The following PRKCH variants were observed in gnomAD, a reference collection of about 807,000 sequenced individuals.
PRKCH encodes the protein protein kinase C eta, also known as protein kinase C eta type.
In PRKCH, 28 loss-of-function variants were observed where a neutral mutation model predicts 82.5. The observed-to-expected ratio is 0.34, with a 90% confidence interval of 0.25 to 0.47. The LOEUF is 0.47. Among genes scored for constraint, PRKCH ranks in the 20% least tolerant of loss-of-function variants. The pLI is 1.00. For missense variants in PRKCH, 705 were observed against 881.8 expected (o/e 0.80, Z 2.54); for synonymous variants, 322 against 327.4 (o/e 0.98, Z 0.18).
chr14:61,382,314 C>G (rs903364186), intron 1 of PRKCH, among the ~76,000 whole-genome samples: 3 of 152,076 alleles, frequency 2.0e-5, no homozygotes, highest in Non-Finnish European at 2.9e-5. Context: ...CCCATAATCC[C>G]AGCTACACTG....
intron 1 of PRKCH, among the ~76,000 whole-genome samples, chr14:61,270,988 C>T (rs1189864043): frequency 6.6e-6 from 1 of 152,136 alleles, no homozygotes; most frequent in African/African-American, 2.4e-5. Context: ...AACAAAAGCA[C>T]AAACAAGTAA....
intron 2 of PRKCH, among the ~76,000 whole-genome samples, chr14:61,416,686 C>T (rs1476887198): frequency 6.6e-6 from 1 of 152,002 alleles, no homozygotes; most frequent in Non-Finnish European, 1.5e-5. Flanking sequence ...CTCTCCTGTC[C>T]CTTTCCCCCT....
intron 6 of PRKCH, 144 bp downstream of exon 6, chr14:61,451,115 C>A: frequency 8.8e-7 from 1 of 1,138,218 alleles, no homozygotes; most frequent in Non-Finnish European, 1.2e-6. Flanking sequence ...TTTAAACTTA[C>A]ATGTTTCTTG....
chr14:61,214,475 T>C (rs2044603408), intron 1 of PRKCH, among the ~76,000 whole-genome samples: 1 of 152,188 alleles, frequency 6.6e-6, no homozygotes, highest in Admixed American at 6.5e-5. Flanking sequence ...TTCATGATAG[T>C]TAATCTTGGT....
chr14:61,346,864 A>G (rs1260745955), intron 1 of PRKCH, among the ~76,000 whole-genome samples: 3 of 152,228 alleles, frequency 2.0e-5, no homozygotes, highest in African/African-American at 7.2e-5. Context: ...CCATTATAGT[A>G]ATGAACATTT....
chr14:61,412,763 CT>C (rs1284569124), intron 2 of PRKCH, among the ~76,000 whole-genome samples: 1 of 152,142 alleles, frequency 6.6e-6, no homozygotes, highest in African/African-American at 2.4e-5. Flanking sequence ...CCCCTTCCCA[CT>C]TTTTTTCCCA....
chr14:61,528,561 C>T (rs73308907), intron 10 of PRKCH, among the ~76,000 whole-genome samples: 5,284 of 152,146 alleles, frequency 0.035, 293 homozygotes, highest in African/African-American at 0.12. Flanking sequence ...CAATCCCCGC[C>T]GTCATGGAGC....
chr14:61,265,643 C>T (rs1426078619), intron 1 of PRKCH, among the ~76,000 whole-genome samples: 1 of 152,224 alleles, frequency 6.6e-6, no homozygotes, highest in African/African-American at 2.4e-5. Context: ...ACTAAGAGCA[C>T]CTTTCATAAG....
intron 10 of PRKCH, among the ~76,000 whole-genome samples, chr14:61,495,478 G>T (rs1202661968): frequency 6.6e-6 from 1 of 152,112 alleles, no homozygotes; most frequent in Non-Finnish European, 1.5e-5. Flanking sequence ...TGCTGAACAA[G>T]AAAAATACAG....
chr14:61,431,546 A>G (rs1292171483), intron 2 of PRKCH, among the ~76,000 whole-genome samples: 1 of 152,118 alleles, frequency 6.6e-6, no homozygotes, highest in African/African-American at 2.4e-5. Flanking sequence ...GAGTTGCTGC[A>G]GACCCATATG....
chr14:61,485,427 T>G lies in PRKCH; in HGVS notation c.1279-75T>G. 5.2e-6 allele frequency: 8 copies of G among 1,534,660 alleles called. No homozygotes were observed. In the East Asian group the frequency reaches 6.8e-5, roughly 13 times the overall value. On this transcript the variant is annotated intron_variant, in intron 9 of 13. Coordinates refer to ENST00000332981, the MANE Select transcript of PRKCH (RefSeq NM_006255.5). ...CAGTGTCCTCTCTATGCCACAGCCTTAGGCAATATGCTGCTGATGGAGCTC... is the reference window on the plus strand; with the variant it reads ...CAGTGTCCTCTCTATGCCACAGCCTGAGGCAATATGCTGCTGATGGAGCTC...
At chr14:61,392,914 T>C (rs1488163747) in intron 2 of PRKCH, among the ~76,000 whole-genome samples, 1 of 152,086 alleles carries the variant, frequency 6.6e-6, no homozygotes, top group Admixed American at 6.5e-5. Flanking sequence ...TAAATTGATA[T>C]TTGTGTGTGA....
At chr14:61,489,047 G>C (rs1024489140) in intron 10 of PRKCH, among the ~76,000 whole-genome samples, 1 of 152,176 alleles carries the variant, frequency 6.6e-6, no homozygotes, top group African/African-American at 2.4e-5. Flanking sequence ...TACAGGCTGG[G>C]AACAGAGTCT....
chr14:61,500,708 T>A (rs1886867400), intron 10 of PRKCH, among the ~76,000 whole-genome samples: 1 of 152,078 alleles, frequency 6.6e-6, no homozygotes, highest in African/African-American at 2.4e-5. Context: ...GAACTGAGGA[T>A]CTCTGTGCAC....
At chr14:61,469,795 G>T (rs916171529) in intron 9 of PRKCH, among the ~76,000 whole-genome samples, 3 of 152,152 alleles carry the variant, frequency 2.0e-5, no homozygotes, top group Non-Finnish European at 4.4e-5. Context: ...CAGACTCGTC[G>T]TGTAGAGAGT....
chr14:61,426,493 A>T (rs1394685264), intron 2 of PRKCH, among the ~76,000 whole-genome samples: 3 of 152,222 alleles, frequency 2.0e-5, no homozygotes, highest in African/African-American at 7.2e-5. Flanking sequence ...AAAATTCAGT[A>T]GGAATGTTTT....
chr14:61,307,889 T>C (rs973408905), intron 1 of PRKCH, among the ~76,000 whole-genome samples: 6 of 152,234 alleles, frequency 3.9e-5, no homozygotes, highest in Non-Finnish European at 8.8e-5. Context: ...CAGGCTGGAA[T>C]GCAGCAGTGC....
chr14:61,439,104 G>C (rs1022149922), intron 2 of PRKCH, among the ~76,000 whole-genome samples: 4 of 152,174 alleles, frequency 2.6e-5, no homozygotes, highest in African/African-American at 9.7e-5. Context: ...AGGGTTGCCT[G>C]ACGTGTCTAA....
intron 10 of PRKCH, among the ~76,000 whole-genome samples, chr14:61,488,042 A>G (rs1201412744): frequency 6.6e-6 from 1 of 151,980 alleles, no homozygotes; most frequent in East Asian, 1.9e-4. Context: ...AGTCCCAGCT[A>G]CTCGGGAGGC....
Sources: gnomAD v4.1 joint callset for allele counts (sites outside exome capture counted in the v4.1 genomes callset) on GRCh38, gnomAD v4.1.1 for gene constraint, MANE v1.5 for transcripts, NCBI Gene and HGNC (gene_info 2026-07-23, HGNC 2026-07-21) for gene names.